RNF128: variants seen among roughly 807,000 people sequenced by gnomAD.
The protein encoded by RNF128 is ring finger protein 128, also known as E3 ubiquitin-protein ligase RNF128.
A neutral mutation model predicts 26.2 loss-of-function variants in RNF128; 13 were observed. The observed-to-expected ratio is 0.50, with a 90% CI of 0.32 to 0.79. The LOEUF (loss-of-function observed/expected upper bound fraction) is 0.79. RNF128 is among the 30% of genes least tolerant of loss of function. RNF128 has a pLI of 0.03. For missense variants in RNF128, 315 were observed against 349.7 expected (o/e 0.90, Z 0.79); for synonymous variants, 149 against 142.5 (o/e 1.05, Z -0.32).
intron 1 of RNF128, among the ~76,000 whole-genome samples, chrX:106,746,594 T>C (rs1289656947): frequency 9.0e-6 from 1 of 111,373 alleles, no homozygotes; most frequent in Non-Finnish European, 1.9e-5. Flanking sequence ...TGAATAATAA[T>C]TTTTCCCCAA....
chrX:106,785,268 C>A, intron 3 of RNF128, 132 bp downstream of exon 3: 1 of 486,692 alleles, frequency 2.1e-6, no homozygotes, highest in South Asian at 5.1e-5. Context: ...GCATTTGATT[C>A]TAGAGGTTGG....
At chrX:106,752,126 G>A (rs1929903309) in intron 1 of RNF128, among the ~76,000 whole-genome samples, 1 of 111,362 alleles carries the variant, frequency 9.0e-6, no homozygotes, top group Non-Finnish European at 1.9e-5. Context: ...GGGCCAGAAG[G>A]GACACCACCA....
upstream of RNF128, among the ~76,000 whole-genome samples, chrX:106,725,668 T>C (rs1160535107): frequency 8.9e-6 from 1 of 112,729 alleles, no homozygotes; most frequent in African/African-American, 3.2e-5. Context: ...CTAAGTGCTT[T>C]ATTACATGTA....
upstream of RNF128, among the ~76,000 whole-genome samples, chrX:106,726,201 G>A (rs1033717625): frequency 1.8e-5 from 2 of 111,529 alleles, no homozygotes; most frequent in Admixed American, 9.4e-5. Flanking sequence ...TAGGAGCAGG[G>A]AAAGAGAAAG....
At chrX:106,764,206 C>T (rs1418168321) in intron 1 of RNF128, among the ~76,000 whole-genome samples, 1 of 106,672 alleles carries the variant, frequency 9.4e-6, no homozygotes, top group Non-Finnish European at 1.9e-5. Flanking sequence ...ACCTCGTGAT[C>T]CACCCACCTC....
At chrX:106,765,193 T>C (rs1056177928) in intron 1 of RNF128, among the ~76,000 whole-genome samples, 1 of 112,095 alleles carries the variant, frequency 8.9e-6, no homozygotes, top group African/African-American at 3.2e-5. Context: ...ATGGCTATCA[T>C]GTAAAAATAG....
intron 1 of RNF128, among the ~76,000 whole-genome samples, chrX:106,756,208 C>G (rs1295684266): frequency 9.0e-6 from 1 of 111,306 alleles, no homozygotes; most frequent in Non-Finnish European, 1.9e-5. Context: ...GCTACCAATG[C>G]CTTTCTTCAC....
chrX:106,756,350 C>T (rs1260750717), intron 1 of RNF128, among the ~76,000 whole-genome samples: 5 of 110,856 alleles, frequency 4.5e-5, no homozygotes, highest in African/African-American at 1.7e-4. Context: ...TACAAGGCTA[C>T]AGTAACCAAA....
chrX:106,788,830 A>G (rs1194996956), intron 4 of RNF128, among the ~76,000 whole-genome samples: 1 of 74,536 alleles, frequency 1.3e-5, no homozygotes, highest in Non-Finnish European at 2.3e-5. Flanking sequence ...ATATAATTAT[A>G]TATACTACAT....
chrX:106,712,133 G>A (rs1386344384), intron 1 of RNF128, among the ~76,000 whole-genome samples: 1 of 112,158 alleles, frequency 8.9e-6, no homozygotes, highest in Non-Finnish European at 1.9e-5. Context: ...TCAGAGTCAC[G>A]TCTTTATATG....
intron 6 of RNF128, among the ~76,000 whole-genome samples, chrX:106,794,118 A>G (rs915717508): frequency 3.6e-5 from 4 of 111,210 alleles, no homozygotes; most frequent in African/African-American, 6.5e-5. Flanking sequence ...AACTTCTAAT[A>G]TAAGGAAGAG....
intron 1 of RNF128, among the ~76,000 whole-genome samples, chrX:106,732,579 G>T (rs1006625827): frequency 9.0e-6 from 1 of 111,183 alleles, no homozygotes; most frequent in Non-Finnish European, 1.9e-5. Context: ...TGTGCTTCTT[G>T]CCTGAGTATA....
At chrX:106,694,300 T>C (rs745537838) in exon 1 of RNF128, 2 of 1,210,486 alleles carry the variant, frequency 1.7e-6, no homozygotes, top group Admixed American at 4.4e-5. Flanking sequence ...AAGAGGTAAT[T>C]GTACATTTTC....
At chrX:106,719,619 T>A (rs1203058134) in intron 1 of RNF128, among the ~76,000 whole-genome samples, 1 of 111,839 alleles carries the variant, frequency 8.9e-6, no homozygotes, top group African/African-American at 3.3e-5. Context: ...CTCTCATTTG[T>A]CCTAGGCAAT....
chrX:106,736,132 C>G (rs1370910687), intron 1 of RNF128, among the ~76,000 whole-genome samples: 3 of 111,172 alleles, frequency 2.7e-5, no homozygotes, highest in African/African-American at 9.8e-5. Flanking sequence ...TTTTGTCATT[C>G]TAGAAAATAG....
chrX:106,749,795 C>T (rs1929849149), intron 1 of RNF128, among the ~76,000 whole-genome samples: 1 of 109,784 alleles, frequency 9.1e-6, no homozygotes, highest in Admixed American at 9.8e-5. Context: ...TTCCCAACTA[C>T]TCAGGAAGCT....
intron 1 of RNF128, among the ~76,000 whole-genome samples, chrX:106,757,903 A>G (rs533694711): frequency 1.8e-5 from 2 of 111,669 alleles, no homozygotes; most frequent in South Asian, 7.5e-4. Flanking sequence ...ATCCACTTTT[A>G]CCACTGTTAT....
At chrX:106,706,404 A>C (rs1470336473) in intron 1 of RNF128, among the ~76,000 whole-genome samples, 2 of 111,991 alleles carry the variant, frequency 1.8e-5, no homozygotes, top group African/African-American at 3.3e-5. Context: ...AACAAAAAAA[A>C]ACAAGGGTTT....
Position 106,785,103 on chromosome X carries a change from G to T in RNF128, c.771G>T (p.Arg257Ser). 8.4e-7 allele frequency: 1 copy of T among 1,189,079 alleles called. No individual in the cohort carries two copies. Among genetic ancestry groups the T allele is most frequent in the Non-Finnish European group, 1.1e-6 (1 of 887,432 alleles). The change falls in exon 3 of 7, where the codon AGG becomes AGT. Residue 257 changes from arginine to serine, a missense_variant. Physicochemically the swap from Arg to Ser is moderately radical, Grantham distance 110. Transcript: ENST00000255499. Reference protein sequence around the residue: ...LKADAKKAIGRLQLRTLKQGD... With the variant: ...LKADAKKAIGSLQLRTLKQGD... ...CAGATGCTAAAAAAGCTATTGGAAGGCTTCAACTACGCACACTGAAACAAG... is the reference window on the plus strand; with the variant it reads ...CAGATGCTAAAAAAGCTATTGGAAGTCTTCAACTACGCACACTGAAACAAG...
Sources: gnomAD v4.1 joint callset for allele counts (sites outside exome capture counted in the v4.1 genomes callset) on GRCh38, gnomAD v4.1.1 for gene constraint, MANE v1.5 for transcripts, NCBI Gene and HGNC (gene_info 2026-07-23, HGNC 2026-07-21) for gene names.